Variants in CRACDL observed in about 807,000 individuals in gnomAD.
The protein encoded by CRACDL is CRACD like.
Under a neutral mutation model 70.6 loss-of-function variants are expected in CRACDL, and 26 were observed. The observed-to-expected ratio is 0.37, with a 90% CI of 0.27 to 0.51. The LOEUF (loss-of-function observed/expected upper bound fraction) is 0.51. Among genes scored for constraint, CRACDL ranks in the 20% least tolerant of loss-of-function variants. The probability of loss-of-function intolerance (pLI) is 0.94; values close to 1 mark genes in which losing one functional copy is unlikely to be tolerated. For missense variants in CRACDL, 1,283 were observed against 1,376.9 expected, an observed-to-expected ratio of 0.93 and a Z score of 1.08; for synonymous variants, 618 against 615.2, an observed-to-expected ratio of 1.00 and a Z score of -0.07.
chr2:98,846,552 T>A (rs1027204977), intron 2 of CRACDL, among the ~76,000 whole-genome samples, 179 bp downstream of exon 2: 13 of 152,094 alleles, frequency 8.5e-5, no homozygotes, highest in African/African-American at 3.1e-4. Flanking sequence ...CGAGCAGCCT[T>A]AAATAATGTG....
intron 1 of CRACDL, among the ~76,000 whole-genome samples, chr2:98,904,613 A>C (rs2104663247): frequency 6.6e-6 from 1 of 152,348 alleles, no homozygotes; most frequent in Middle Eastern, 3.4e-3. Context: ...TTATTGATTC[A>C]ATTTTCATTC....
chr2:98,909,656 A>G (rs1347441145), intron 1 of CRACDL, among the ~76,000 whole-genome samples: 1 of 152,048 alleles, frequency 6.6e-6, no homozygotes, highest in African/African-American at 2.4e-5. Flanking sequence ...GCCCACTGAA[A>G]CCTGACACCC....
chr2:98,802,076 A>G (rs992074345), intron 7 of CRACDL, among the ~76,000 whole-genome samples: 21 of 152,240 alleles, frequency 1.4e-4, no homozygotes, highest in African/African-American at 5.1e-4. Context: ...CCCTGAGAAC[A>G]TCGTCCACGG....
intron 1 of CRACDL, among the ~76,000 whole-genome samples, chr2:98,895,475 G>A (rs1240568540): frequency 6.6e-6 from 1 of 152,170 alleles, no homozygotes; most frequent in Non-Finnish European, 1.5e-5. Flanking sequence ...CGAGATTCCA[G>A]GTCCAGGGAA....
At chr2:98,903,758 TC>T (rs1373601353) in intron 1 of CRACDL, among the ~76,000 whole-genome samples, 1 of 152,222 alleles carries the variant, frequency 6.6e-6, no homozygotes, top group Non-Finnish European at 1.5e-5. Flanking sequence ...GAAGTTAGTC[TC>T]AGTAGTCATT....
At chr2:98,808,241 A>G (rs1704402189) in intron 7 of CRACDL, among the ~76,000 whole-genome samples, 1 of 152,128 alleles carries the variant, frequency 6.6e-6, no homozygotes, top group African/African-American at 2.4e-5. Context: ...AGCACTCCTA[A>G]GTTTGAGAAG....
chr2:98,872,916 G>C (rs1057290482), intron 1 of CRACDL, among the ~76,000 whole-genome samples: 1 of 152,210 alleles, frequency 6.6e-6, no homozygotes, highest in Non-Finnish European at 1.5e-5. Flanking sequence ...AAACTGTCTC[G>C]TGCTTTTTCA....
At chr2:98,920,969 AG>A (rs1708788336) in intron 1 of CRACDL, among the ~76,000 whole-genome samples, 2 of 152,220 alleles carry the variant, frequency 1.3e-5, no homozygotes, top group Admixed American at 6.5e-5. Context: ...GAAGTACTCC[AG>A]GAAGACATGA....
chr2:98,892,389 A>T (rs1033010859), intron 1 of CRACDL, among the ~76,000 whole-genome samples: 6 of 149,684 alleles, frequency 4.0e-5, no homozygotes, highest in African/African-American at 7.4e-5. Context: ...ATTGTAAATT[A>T]AAAAAAAAAG....
At chr2:98,818,750 G>T (rs1704901430) in intron 7 of CRACDL, among the ~76,000 whole-genome samples, 1 of 152,242 alleles carries the variant, frequency 6.6e-6, no homozygotes, top group Non-Finnish European at 1.5e-5. Flanking sequence ...TCTAGGGAAA[G>T]TGTGGGGGCA....
chr2:98,832,535 T>C (rs763937574), intron 4 of CRACDL, 23 bp from the exon 5 acceptor site: 13 of 1,542,354 alleles, frequency 8.4e-6, no homozygotes, highest in Non-Finnish European at 1.1e-5. Flanking sequence ...AAAGAACATG[T>C]GCTCTTATTT....
At chr2:98,906,899 G>T (rs1343686939) in intron 1 of CRACDL, among the ~76,000 whole-genome samples, 3 of 152,124 alleles carry the variant, frequency 2.0e-5, no homozygotes, top group Non-Finnish European at 2.9e-5. Context: ...GCGTGGTCTT[G>T]GGGCTAGAGC....
intron 1 of CRACDL, among the ~76,000 whole-genome samples, chr2:98,848,698 C>G (rs1706358532): frequency 6.6e-6 from 1 of 152,166 alleles, no homozygotes; most frequent in South Asian, 2.1e-4. Flanking sequence ...ATCCTCCCAC[C>G]TCAGCCCCCC....
chr2:98,904,631 A>G (rs1469577147), intron 1 of CRACDL, among the ~76,000 whole-genome samples: 1 of 152,262 alleles, frequency 6.6e-6, no homozygotes, highest in Admixed American at 6.5e-5. Flanking sequence ...TTCAAGAAGA[A>G]CAAAGCCACC....
At chr2:98,803,527 A>G (rs1340894236) in intron 7 of CRACDL, among the ~76,000 whole-genome samples, 2 of 152,230 alleles carry the variant, frequency 1.3e-5, no homozygotes, top group Non-Finnish European at 2.9e-5. Flanking sequence ...AGATTTAGAA[A>G]GTAGATAAAA....
chr2:98,869,129 C>T (rs1485709750), intron 1 of CRACDL: 1 of 1,304,364 alleles, frequency 7.7e-7, no homozygotes, highest in Non-Finnish European at 1.0e-6. Flanking sequence ...CCTGAGTGTG[C>T]TGTGAGCCTC....
Position 98,846,723 on chromosome 2 carries a change from G to A in CRACDL, c.70+8C>T. On this transcript the variant is annotated splice_region_variant and intron_variant, in intron 2 of 9. Coordinates refer to ENST00000397899, the MANE Select transcript of CRACDL (RefSeq NM_207362.3). ...GCCCTCCCCAGAGCAGGGGAAGCAG[G>A]GCCTTACCTGTGCTGTCCTCCCCAA... 6.2e-7 allele frequency: 1 copy of A among 1,613,178 alleles called. No individual in the cohort carries two copies. Among genetic ancestry groups the A allele is most frequent in the Non-Finnish European group, 8.5e-7 (1 of 1,179,136 alleles).
At chr2:98,883,696 G>T (rs181442697) in intron 1 of CRACDL, among the ~76,000 whole-genome samples, 1 of 152,194 alleles carries the variant, frequency 6.6e-6, no homozygotes, top group South Asian at 2.1e-4. Flanking sequence ...ACCCGAGCCC[G>T]GGTAGAACAG....
intron 7 of CRACDL, among the ~76,000 whole-genome samples, chr2:98,814,117 A>G (rs1704684884): frequency 6.6e-6 from 1 of 151,998 alleles, no homozygotes; most frequent in Non-Finnish European, 1.5e-5. Context: ...TTGAAGAACC[A>G]TCTTTTGGTT....
Sources: gnomAD v4.1 joint callset for allele counts (sites outside exome capture counted in the v4.1 genomes callset) on GRCh38, gnomAD v4.1.1 for gene constraint, MANE v1.5 for transcripts, NCBI Gene and HGNC (gene_info 2026-07-23, HGNC 2026-07-21) for gene names.